Variants in NLRP5 observed in about 807,000 individuals in gnomAD.
NLRP5 encodes NACHT, LRR and PYD domains-containing protein 5.
In NLRP5, 93 loss-of-function variants were observed where a neutral mutation model predicts 113.1. The ratio of observed to expected loss-of-function variants is 0.82; its 90% confidence interval spans 0.70 to 0.98. The LOEUF is 0.98. NLRP5 is among the 50% of genes least tolerant of loss of function. The probability of loss-of-function intolerance (pLI) is 0.00; values close to 1 mark genes in which losing one functional copy is unlikely to be tolerated. For synonymous variants in NLRP5, 751 were observed against 600.7 expected (o/e 1.25, Z -3.66); for missense variants, 1,808 against 1,514.3 (o/e 1.19, Z -3.22).
chr19:56,031,011 C>T (rs1171055291), intron 7 of NLRP5, among the ~76,000 whole-genome samples: 1 of 151,948 alleles, frequency 6.6e-6, no homozygotes, highest in Non-Finnish European at 1.5e-5. Context: ...TGCGCCCGGC[C>T]TCTATTTTTC....
At chr19:55,990,099 T>C in the NLRP5 span, among the ~76,000 whole-genome samples, 1 of 99,116 alleles carries the variant, frequency 1.0e-5, no homozygotes, top group Non-Finnish European at 2.1e-5. Flanking sequence ...TTTTTTTTTT[T>C]TTTTTTTTGA....
At chr19:56,030,114 A>G (rs1983037567) in intron 7 of NLRP5, among the ~76,000 whole-genome samples, 1 of 150,876 alleles carries the variant, frequency 6.6e-6, no homozygotes, top group South Asian at 2.1e-4. Flanking sequence ...TCATGCCTGT[A>G]ATCCTAGCAC....
chr19:56,016,075 T>C (rs550336924), intron 4 of NLRP5, among the ~76,000 whole-genome samples: 1 of 152,232 alleles, frequency 6.6e-6, no homozygotes, highest in Non-Finnish European at 1.5e-5. Context: ...TACACGCATA[T>C]ATTGTAGAAT....
chr19:56,032,380 C>T (rs887426569), intron 7 of NLRP5, among the ~76,000 whole-genome samples: 6 of 149,784 alleles, frequency 4.0e-5, no homozygotes, highest in African/African-American at 7.4e-5. Flanking sequence ...CAGGAGCTGG[C>T]GGTTCCCAGT....
At position 56,027,989 on chromosome 19, in the gene NLRP5, A is replaced by T. The variant is rs35696923; in HGVS notation, c.1756A>T (p.Ser586Cys). The change falls in exon 7 of 15, where the codon AGT becomes TGT. Residue 586 changes from serine (S) to cysteine (C), a missense_variant. Transcript: ENST00000390649. The stretch of plus-strand genomic sequence containing the variant: ...GGAGTACTACACCTTCTTCCACCTC[A>T]GTCTCCAGGACTTCTGTGCCGCCTT... The T allele has an allele frequency of 5.0e-6, 8 of 1,613,856 alleles. No individual in the cohort carries two copies. The highest frequency in any genetic ancestry group is 6.8e-6 in the Non-Finnish European group (8 of 1,179,882).
chr19:56,036,682 C>T (rs1244222646), intron 9 of NLRP5, among the ~76,000 whole-genome samples: 1 of 152,146 alleles, frequency 6.6e-6, no homozygotes, highest in Non-Finnish European at 1.5e-5. Context: ...ACAGACCAGG[C>T]ACAGTGGCTC....
chr19:55,997,895 C>T (rs957364725), upstream of NLRP5, among the ~76,000 whole-genome samples: 1 of 151,864 alleles, frequency 6.6e-6, no homozygotes, highest in African/African-American at 2.4e-5. Context: ...GATATCTAGT[C>T]CTGGTTTGTA....
rs561737355 is a variant in NLRP5 at position 56,028,638 on chromosome 19, C to T, written c.2276+129C>T. Reference sequence around the variant, plus strand: ...CTTTCAGGATGAATGGCCCAGATGACGTCCAGCTGGCTAAAATGCCAGGAC... The same window carrying T: ...CTTTCAGGATGAATGGCCCAGATGATGTCCAGCTGGCTAAAATGCCAGGAC... On this transcript the variant is annotated intron_variant, in intron 7 of 14. Coordinates refer to ENST00000390649, the MANE Select transcript of NLRP5 (RefSeq NM_153447.4). 7.4e-4 allele frequency: 681 copies of T among 916,540 alleles called. 3 individuals carry two copies. Among genetic ancestry groups the T allele is most frequent in the Non-Finnish European group, 6.6e-4 (395 of 601,874 alleles). 56.8% of individuals were successfully genotyped at this position (916,540 alleles called of 1,614,324 possible). A position where few individuals can be genotyped will look rare whatever the true frequency, so the allele number is the denominator to read the frequency against.
intron 11 of NLRP5, among the ~76,000 whole-genome samples, chr19:56,043,483 C>T (rs529431541): frequency 2.1e-5 from 3 of 145,606 alleles, no homozygotes; most frequent in East Asian, 2.1e-4. Flanking sequence ...GTTGTAGACT[C>T]GACTCTAGAT....
intron 7 of NLRP5, among the ~76,000 whole-genome samples, chr19:56,030,696 T>C (rs1983063547): frequency 7.2e-6 from 1 of 139,728 alleles, no homozygotes; most frequent in Non-Finnish European, 1.5e-5. Flanking sequence ...TATACTTACA[T>C]TCATTCGCTT....
At chr19:56,017,159 G>A (rs931652551) in intron 4 of NLRP5, among the ~76,000 whole-genome samples, 6 of 152,034 alleles carry the variant, frequency 3.9e-5, no homozygotes, top group African/African-American at 1.2e-4. Context: ...TTTCATTCCC[G>A]ACTCCAGTAA....
upstream of NLRP5, among the ~76,000 whole-genome samples, chr19:55,996,481 C>T (rs1357627414): frequency 2.0e-5 from 3 of 152,114 alleles, no homozygotes; most frequent in African/African-American, 4.8e-5. Flanking sequence ...AGGTATATCT[C>T]CTAATGCTCC....
intron 3 of NLRP5, among the ~76,000 whole-genome samples, chr19:56,009,765 A>C (rs1322044925): frequency 6.6e-6 from 1 of 152,154 alleles, no homozygotes; most frequent in Non-Finnish European, 1.5e-5. Flanking sequence ...GCCAGTGTTG[A>C]CCGTGAAACC....
At chr19:55,998,686 A>ATATGTGTGTG (rs1981437670), upstream of NLRP5, among the ~76,000 whole-genome samples, 2 of 47,542 alleles carry the variant, frequency 4.2e-5, no homozygotes, top group Non-Finnish European at 8.0e-5. Flanking sequence ...ATATATATAT[A>ATATGTGTGTG]TATATATATA....
intron 11 of NLRP5, among the ~76,000 whole-genome samples, chr19:56,043,926 C>G (rs1251406755): frequency 1.3e-5 from 2 of 151,698 alleles, no homozygotes; most frequent in Non-Finnish European, 2.9e-5. Flanking sequence ...TCAATTAGGT[C>G]CCAGCTATTT....
chr19:56,012,330 A>G (rs1318663316), intron 3 of NLRP5, among the ~76,000 whole-genome samples: 1 of 151,352 alleles, frequency 6.6e-6, no homozygotes, highest in Non-Finnish European at 1.5e-5. Context: ...TTGTATTTTT[A>G]GTAGAGATGG....
the NLRP5 span, among the ~76,000 whole-genome samples, chr19:55,992,443 C>T: frequency 1.3e-5 from 2 of 152,148 alleles, no homozygotes; most frequent in African/African-American, 2.4e-5. Context: ...GGAATCTCCA[C>T]CCTGCTTTCC....
chr19:56,053,938 T>G (rs1349651489), intron 13 of NLRP5, 130 bp downstream of exon 13: 6 of 763,430 alleles, frequency 7.9e-6, no homozygotes, highest in Admixed American at 5.1e-5. Context: ...GAGTGCAACC[T>G]TCGCAGCACC....
the NLRP5 span, chr19:55,987,862 C>T: frequency 3.1e-6 from 5 of 1,613,984 alleles, no homozygotes; most frequent in African/African-American, 6.7e-5. Flanking sequence ...CAACTCCTCA[C>T]CCACCCGACT....
Sources: allele counts gnomAD v4.1 joint callset (sites outside exome capture counted in the v4.1 genomes callset), GRCh38; gene constraint gnomAD v4.1.1; transcripts MANE v1.5; gene names NCBI Gene and HGNC (gene_info 2026-07-23, HGNC 2026-07-21).